Variants in CALCRL observed in about 807,000 individuals in gnomAD.
The protein encoded by CALCRL is calcitonin receptor like receptor, also known as calcitonin gene-related peptide type 1 receptor.
CALCRL carries 27 observed loss-of-function variants against 60.4 expected under a neutral mutation model. The ratio of observed to expected loss-of-function variants is 0.45; its 90% CI spans 0.33 to 0.62. The LOEUF is 0.62. Among genes scored for constraint, CALCRL ranks in the 20% least tolerant of loss-of-function variants. The pLI, the probability that CALCRL is intolerant of heterozygous loss-of-function variation, is 0.03. For missense variants in CALCRL, 424 were observed against 540.7 expected (o/e 0.78, Z 2.14); for synonymous variants, 190 against 182.6 (o/e 1.04, Z -0.33).
intron 5 of CALCRL, among the ~76,000 whole-genome samples, chr2:187,381,257 A>G (rs1303159793): frequency 1.3e-5 from 2 of 152,100 alleles, no homozygotes; most frequent in East Asian, 3.8e-4. Context: ...ACCCTGAAAG[A>G]TACTTATTTA....
chr2:187,360,909 T>C (rs1472569357), intron 9 of CALCRL, among the ~76,000 whole-genome samples, 158 bp from the exon 10 acceptor site: 1 of 152,086 alleles, frequency 6.6e-6, no homozygotes, highest in African/African-American at 2.4e-5. Flanking sequence ...TTCGTATTCA[T>C]GTAATGATGC....
intron 1 of CALCRL, among the ~76,000 whole-genome samples, chr2:187,393,256 A>T (rs1688523529): frequency 6.6e-6 from 1 of 152,034 alleles, no homozygotes; most frequent in South Asian, 2.1e-4. Context: ...AGAATTTAGG[A>T]ACCTGCATGT....
chr2:187,431,771 G>T (rs1690419230), intron 1 of CALCRL, among the ~76,000 whole-genome samples: 1 of 139,406 alleles, frequency 7.2e-6, no homozygotes. Context: ...GAAAAAAAAA[G>T]AAACAAATAA....
In CALCRL at chr2:187,385,604, C is replaced by A; in HGVS notation, c.-9G>T. On this transcript the variant is annotated 5_prime_UTR_variant, in exon 4 of 15. Transcript: ENST00000392370. The stretch of plus-strand genomic sequence containing the variant: ...GTACACTTTTTCTCCATCATTAAGC[C>A]AAAATGAAATATGCTGTATAACATA... 1.3e-6 allele frequency: 2 copies of A among 1,555,658 alleles called. No homozygotes were observed. The highest frequency in any genetic ancestry group is 1.2e-5 in the South Asian group (1 of 86,006).
At chr2:187,408,298 ATTTTGTTTTCAGCTAG>A (rs1553513180) in intron 1 of CALCRL, among the ~76,000 whole-genome samples, 1 of 151,956 alleles carries the variant, frequency 6.6e-6, no homozygotes, top group Non-Finnish European at 1.5e-5. Flanking sequence ...ACATTTTTGG[ATTTTGTTTTCAGCTAG>A]GGTGAGGTTT....
intron 1 of CALCRL, among the ~76,000 whole-genome samples, chr2:187,425,998 A>G (rs1467766985): frequency 6.6e-6 from 1 of 151,898 alleles, no homozygotes; most frequent in East Asian, 1.9e-4. Context: ...TCTCCTTGAA[A>G]TCATATCCCA....
intron 1 of CALCRL, among the ~76,000 whole-genome samples, chr2:187,414,681 A>T (rs1689520765): frequency 6.6e-6 from 1 of 152,152 alleles, no homozygotes; most frequent in South Asian, 2.1e-4. Context: ...GATACACAGA[A>T]GTTGAAGAAA....
intron 8 of CALCRL, among the ~76,000 whole-genome samples, chr2:187,378,368 T>G (rs2105775080): frequency 6.6e-6 from 1 of 152,264 alleles, no homozygotes; most frequent in East Asian, 1.9e-4. Context: ...AAATTTAAAA[T>G]TGGTTGTTGA....
chr2:187,419,171 C>A (rs1689760805), intron 1 of CALCRL, among the ~76,000 whole-genome samples: 1 of 151,914 alleles, frequency 6.6e-6, no homozygotes, highest in East Asian at 1.9e-4. Flanking sequence ...CCAGGCCCTG[C>A]TGATACTATG....
At chr2:187,374,153 G>C (rs935101639) in intron 8 of CALCRL, among the ~76,000 whole-genome samples, 5 of 152,052 alleles carry the variant, frequency 3.3e-5, no homozygotes, top group African/African-American at 1.2e-4. Flanking sequence ...GGGTGACACA[G>C]TGAGAGCCTA....
Position 187,343,312 on chromosome 2 carries a change from T to C in CALCRL, c.*2872A>G, listed in dbSNP as rs1224398240. ...GAAAATAAACTTTAACTCATAACTT[T>C]AATATTTTCATACAATCAAAAAATA... On this transcript the variant is annotated 3_prime_UTR_variant, in exon 15 of 15. Coordinates refer to ENST00000392370, the MANE Select transcript of CALCRL (RefSeq NM_005795.6). The C allele has an allele frequency of 1.3e-5, 2 of 151,892 alleles. No homozygotes were observed. The highest frequency in any genetic ancestry group is 3.0e-5 in the Non-Finnish European group (2 of 67,560). 9.4% of individuals were successfully genotyped at this position (151,892 alleles called of 1,614,324 possible). A position where few individuals can be genotyped will look rare whatever the true frequency, so the allele number is the denominator to read the frequency against.
chr2:187,388,084 C>T (rs1688280866), intron 1 of CALCRL, among the ~76,000 whole-genome samples: 1 of 151,794 alleles, frequency 6.6e-6, no homozygotes, highest in African/African-American at 2.4e-5. Flanking sequence ...TAGATATTTA[C>T]ATTTTTTTCA....
chr2:187,371,333 C>A (rs1003482413), intron 8 of CALCRL, among the ~76,000 whole-genome samples: 1 of 151,628 alleles, frequency 6.6e-6, no homozygotes, highest in Non-Finnish European at 1.5e-5. Flanking sequence ...TAGTGTATAA[C>A]AAATTTACAA....
intron 12 of CALCRL, among the ~76,000 whole-genome samples, chr2:187,356,733 A>C (rs963141725): frequency 1.3e-5 from 2 of 152,226 alleles, no homozygotes; most frequent in Non-Finnish European, 1.5e-5. Flanking sequence ...GAATGGGAGA[A>C]ATTTTTTGCA....
At chr2:187,414,834 T>C (rs747593587) in intron 1 of CALCRL, among the ~76,000 whole-genome samples, 1 of 152,028 alleles carries the variant, frequency 6.6e-6, no homozygotes, top group Non-Finnish European at 1.5e-5. Flanking sequence ...ATTTACTATT[T>C]TCTTTGAATC....
intron 1 of CALCRL, among the ~76,000 whole-genome samples, chr2:187,443,885 T>C (rs992513325): frequency 1.3e-5 from 2 of 151,730 alleles, no homozygotes; most frequent in Non-Finnish European, 3.0e-5. Flanking sequence ...TGTGTAATCA[T>C]TGGTCTCAGT....
rs1027861600 is a variant in CALCRL, at chr2:187,357,430, A to C, written c.909+1633T>G. 1.3e-4 allele frequency among the ~76,000 whole-genome samples: 19 copies of C among 143,482 alleles called. 1 individual carries two copies. The Admixed American group carries it at 1.4e-3, about 10-fold the overall frequency. The allele number at this position is 143,482 out of a possible 152,430, so 94.1% of individuals were successfully genotyped here. A position where few individuals can be genotyped will look rare whatever the true frequency, so the allele number is the denominator to read the frequency against. On this transcript the variant is annotated intron_variant, in intron 12 of 14. Transcript: ENST00000392370. ...AGAAAACCAATCATTGCATGTTCTC[A>C]CTCATAAGTGGGAGTTGAACAATGA...
chr2:187,415,490 A>G, intron 1 of CALCRL: 1 of 317,620 alleles, frequency 3.1e-6, no homozygotes, highest in African/African-American at 2.2e-5. Context: ...AGTGTACTTA[A>G]TAATATTGAA....
intron 1 of CALCRL, among the ~76,000 whole-genome samples, chr2:187,400,260 TACTC>T (rs1287651499): frequency 3.3e-5 from 5 of 151,308 alleles, no homozygotes; most frequent in African/African-American, 4.8e-5. Flanking sequence ...ATCTAACAAA[TACTC>T]AATAAGCTCA....
Sources: allele counts gnomAD v4.1 joint callset (sites outside exome capture counted in the v4.1 genomes callset), GRCh38; gene constraint gnomAD v4.1.1; transcripts MANE v1.5; gene names NCBI Gene and HGNC (gene_info 2026-07-23, HGNC 2026-07-21).